BCL2L13: variants seen among roughly 807,000 people sequenced by gnomAD.
BCL2L13 encodes bcl-2-like protein 13.
In BCL2L13, 13 loss-of-function variants were observed where a neutral mutation model predicts 25.8. That is an observed-to-expected ratio of 0.50 (90% CI 0.33 to 0.80). The LOEUF (loss-of-function observed/expected upper bound fraction) is 0.80. Ranked by LOEUF, BCL2L13 falls within the 30% of genes least tolerant of loss-of-function variation. The pLI is 0.02. For missense variants in BCL2L13, 504 were observed against 574.9 expected, an observed-to-expected ratio of 0.88 and a Z score of 1.26; for synonymous variants, 244 against 230.3, an observed-to-expected ratio of 1.06 and a Z score of -0.54.
At chr22:17,725,993 A>G (rs1033912085) in intron 6 of BCL2L13, among the ~76,000 whole-genome samples, 1 of 152,076 alleles carries the variant, frequency 6.6e-6, no homozygotes, top group East Asian at 1.9e-4. Flanking sequence ...TTTGCCTGCA[A>G]CCCACCACAT....
chr22:17,685,766 T>C (rs566956327), intron 3 of BCL2L13, among the ~76,000 whole-genome samples: 63 of 87,866 alleles, frequency 7.2e-4, no homozygotes, highest in African/African-American at 2.7e-3. Flanking sequence ...TTTTCTTTTT[T>C]TTTTTTTTTT....
chr22:17,690,347 A>G (rs2145631194), intron 4 of BCL2L13, among the ~76,000 whole-genome samples: 1 of 151,904 alleles, frequency 6.6e-6, no homozygotes, highest in Non-Finnish European at 1.5e-5. Flanking sequence ...TTTTTTTTTT[A>G]TTTTCCTGTA....
intron 5 of BCL2L13, among the ~76,000 whole-genome samples, chr22:17,697,158 G>C (rs2060288968): frequency 1.3e-5 from 2 of 152,018 alleles, no homozygotes; most frequent in African/African-American, 4.8e-5. Context: ...AAAAATTTCG[G>C]CCGGGTGCAG....
chr22:17,726,539 C>T lies in BCL2L13; in HGVS notation c.601-138C>T, dbSNP rs1268856923. ...GCATTGGCCTACAAATACATGCATT[C>T]CATTCGGAAACTATGTAGGTTTAAA... On this transcript the variant is annotated intron_variant, in intron 6 of 6. Transcript: ENST00000317582. 3.0e-6 allele frequency: 3 copies of T among 995,832 alleles called. No individual in the cohort carries two copies. The African/African-American group carries it at 4.9e-5, about 16-fold the overall frequency. 61.7% of individuals were successfully genotyped at this position (995,832 alleles called of 1,614,324 possible). A position where few individuals can be genotyped will look rare whatever the true frequency, so the allele number is the denominator to read the frequency against.
chr22:17,658,283 A>G (rs1306173583), intron 2 of BCL2L13, among the ~76,000 whole-genome samples: 1 of 152,222 alleles, frequency 6.6e-6, no homozygotes. Context: ...ATATGTATGT[A>G]TGTATTATAT....
In BCL2L13 at chr22:17,727,433, C is replaced by G; in HGVS notation, c.1357C>G (p.Pro453Ala). 6.2e-7 allele frequency: 1 copy of G among 1,614,220 alleles called. No homozygotes were observed. The highest frequency in any genetic ancestry group is 8.5e-7 in the Non-Finnish European group (1 of 1,180,040). The change falls in exon 7 of 7, where the codon CCG becomes GCG. Residue 453 changes from proline (P) to alanine (A), a missense_variant. By Grantham distance (27) the Pro-to-Ala change is conservative. Coordinates refer to ENST00000317582, the MANE Select transcript of BCL2L13 (RefSeq NM_015367.4). ...CCCCGCCGGTGAGATGAAGCCCATG[C>G]CGCTGTCTGAGGGCAAGTCTATACT... ...LSPAGEMKPMPLSEGKSILLF... is the reference protein window; with the variant it reads ...LSPAGEMKPMALSEGKSILLF...
At chr22:17,641,803 T>G (rs868674810) in intron 1 of BCL2L13, among the ~76,000 whole-genome samples, 2,441 of 150,140 alleles carry the variant, frequency 0.016, 69 homozygotes, top group African/African-American at 0.054. Context: ...TATGTGTTTT[T>G]TTTTTTTTTT....
At chr22:17,704,224 T>A (rs1343721282) in intron 6 of BCL2L13, among the ~76,000 whole-genome samples, 1 of 152,124 alleles carries the variant, frequency 6.6e-6, no homozygotes, top group African/African-American at 2.4e-5. Flanking sequence ...TAGCAGAGAT[T>A]ACAGGTGTGT....
At chr22:17,721,673 T>C (rs2061137986) in intron 6 of BCL2L13, among the ~76,000 whole-genome samples, 2 of 151,892 alleles carry the variant, frequency 1.3e-5, no homozygotes, top group South Asian at 4.1e-4. Context: ...TACAGGCATG[T>C]GCCACCACGC....
In BCL2L13 at chr22:17,683,255, A is replaced by G. The variant is rs16981016; in HGVS notation, c.163A>G (p.Ile55Val). ...DIASQSLDQE[I>V]LLKVKTEIEE... ...AGCTTCACAATCTCTGGATCAAGAA[A>G]TTTTATTAAAAGTTAAAACTGAAAT... Residue 55 changes from isoleucine to valine, a missense_variant, in exon 3 of 7, where the codon ATT (isoleucine) becomes GTT (valine). Coordinates refer to ENST00000317582, the MANE Select transcript of BCL2L13 (RefSeq NM_015367.4). The G allele has an allele frequency of 2.9e-3, 4,614 of 1,594,162 alleles. 109 individuals are homozygous for G. In the African/African-American group the frequency reaches 0.05, roughly 17 times the overall value.
intron 6 of BCL2L13, among the ~76,000 whole-genome samples, chr22:17,723,461 T>C (rs1569018809): frequency 6.6e-6 from 1 of 152,210 alleles, no homozygotes; most frequent in Non-Finnish European, 1.5e-5. Flanking sequence ...GGGTATTGTT[T>C]CCATTTGTTT....
chr22:17,715,217 G>A (rs1278203760), intron 6 of BCL2L13, among the ~76,000 whole-genome samples: 5 of 105,204 alleles, frequency 4.8e-5, no homozygotes, highest in Admixed American at 1.4e-4. Context: ...GTAGGGTCTC[G>A]GTTACCCAGG....
At chr22:17,631,662 G>GTATATATATATA (rs1372249082) in intron 1 of BCL2L13, among the ~76,000 whole-genome samples, 2 of 32,136 alleles carry the variant, frequency 6.2e-5, no homozygotes, top group Admixed American at 5.3e-4. Context: ...GTATGTATGT[G>GTATATATATATA]TGTGTGTGTA....
intron 1 of BCL2L13, among the ~76,000 whole-genome samples, chr22:17,647,924 C>G (rs755740092): frequency 6.6e-6 from 1 of 151,932 alleles, no homozygotes; most frequent in Non-Finnish European, 1.5e-5. Flanking sequence ...ATAAGGAGAT[C>G]GAGACCATCC....
intron 6 of BCL2L13, among the ~76,000 whole-genome samples, chr22:17,717,774 T>G (rs537644216): frequency 6.6e-6 from 1 of 152,216 alleles, no homozygotes; most frequent in South Asian, 2.1e-4. Flanking sequence ...TAGGAGTCTT[T>G]GCATTGCTTC....
At chr22:17,691,979 T>C (rs2060120653) in intron 4 of BCL2L13, among the ~76,000 whole-genome samples, 1 of 152,196 alleles carries the variant, frequency 6.6e-6, no homozygotes. Context: ...TTTTCAGAAA[T>C]CTGTTTTTAG....
intron 2 of BCL2L13, among the ~76,000 whole-genome samples, chr22:17,666,255 A>G (rs1485614978): frequency 6.6e-6 from 1 of 151,730 alleles, no homozygotes; most frequent in Non-Finnish European, 1.5e-5. Flanking sequence ...GTATATATAT[A>G]TTTATGGGGT....
At chr22:17,652,907 T>C (rs2058733124) in intron 1 of BCL2L13, among the ~76,000 whole-genome samples, 1 of 151,566 alleles carries the variant, frequency 6.6e-6, no homozygotes. Flanking sequence ...TACTAAAAAA[T>C]ACAAAAAATT....
At chr22:17,705,261 G>A (rs1259423142) in intron 6 of BCL2L13, among the ~76,000 whole-genome samples, 1 of 151,424 alleles carries the variant, frequency 6.6e-6, no homozygotes. Flanking sequence ...CAACAAGAGC[G>A]AAACTCTGTA....
Sources: gnomAD v4.1 joint callset for allele counts (sites outside exome capture counted in the v4.1 genomes callset) on GRCh38, gnomAD v4.1.1 for gene constraint, MANE v1.5 for transcripts, NCBI Gene and HGNC (gene_info 2026-07-23, HGNC 2026-07-21) for gene names.